Variants in LYRM4 observed in about 807,000 individuals in gnomAD.
LYRM4 encodes LYR motif containing 4.
LYRM4 carries 9 observed loss-of-function variants against 11.7 expected under a neutral mutation model. That is an observed-to-expected ratio of 0.77 (90% CI 0.46 to 1.34). The LOEUF (loss-of-function observed/expected upper bound fraction) is 1.34, where lower values mean the gene tolerates loss of function less well. LYRM4 is among the 40% of genes most tolerant of loss of function. The probability of loss-of-function intolerance (pLI) is 0.00; values close to 1 mark genes in which losing one functional copy is unlikely to be tolerated. For synonymous variants in LYRM4, 42 were observed against 40.4 expected (o/e 1.04, Z -0.15); for missense variants, 133 against 112.5 (o/e 1.18, Z -0.82).
At position 5,119,911 on chromosome 6, in the gene LYRM4, T is replaced by C. The variant is rs184729096; in HGVS notation, c.208-10420A>G. On this transcript the variant is annotated intron_variant, in intron 2 of 2. Transcript: ENST00000330636. Reference sequence around the variant, plus strand: ...CATAGGAAAGGGAATGAAACTATTTTATTTTTTGAGAAAGAGTCTCGCTCT... The same window carrying C: ...CATAGGAAAGGGAATGAAACTATTTCATTTTTTGAGAAAGAGTCTCGCTCT... Among the ~76,000 whole-genome samples, 58 of 152,214 alleles carry C rather than the reference T, an allele frequency of 3.8e-4. No individual in the cohort carries two copies. The East Asian group carries it at 0.01, about 27-fold the overall frequency.
chr6:5,137,395 G>A (rs1449082427), intron 2 of LYRM4, among the ~76,000 whole-genome samples: 6 of 152,068 alleles, frequency 3.9e-5, no homozygotes, highest in Non-Finnish European at 8.8e-5. Flanking sequence ...TTCTTTTTAA[G>A]CCCCAACATA....
At chr6:5,254,833 C>T (rs771393945) in intron 1 of LYRM4, among the ~76,000 whole-genome samples, 13 of 152,172 alleles carry the variant, frequency 8.5e-5, no homozygotes, top group African/African-American at 1.4e-4. Flanking sequence ...TTTCACCTCT[C>T]GTGGGGTCCT....
At chr6:5,126,586 A>C (rs1250892654) in intron 2 of LYRM4, among the ~76,000 whole-genome samples, 1 of 152,244 alleles carries the variant, frequency 6.6e-6, no homozygotes, top group Non-Finnish European at 1.5e-5. Flanking sequence ...GCCCAAATAC[A>C]TATTAACTGA....
Position 5,260,707 on chromosome 6 carries a change from C to A in LYRM4, c.27G>T (p.Val9=), listed in dbSNP as rs1765030964. 6.5e-7 allele frequency: 1 copy of A among 1,533,636 alleles called. No homozygotes were observed. Among genetic ancestry groups the A allele is most frequent in the Non-Finnish European group, 8.8e-7 (1 of 1,137,250 alleles). The change falls in exon 1 of 3, where the codon GTG becomes GTT. Residue 9 remains valine (V), a synonymous_variant. Transcript: ENST00000330636. MAASSRAQ[V]LSLYRAMLRE... ...TCAGCATCGCCCGGTACAGAGATAA[C>A]ACTTGTGCGCGACTGGAGGCTGCCA...
At chr6:5,065,135 G>T in the LYRM4 span, among the ~76,000 whole-genome samples, 1 of 151,890 alleles carries the variant, frequency 6.6e-6, no homozygotes, top group Admixed American at 6.6e-5. Flanking sequence ...GCCTTTCCAG[G>T]CTTCTTTCAC....
chr6:5,107,838 CTA>C (rs940193129), downstream of LYRM4: 4 of 152,190 alleles, frequency 2.6e-5, no homozygotes, highest in East Asian at 7.7e-4. Flanking sequence ...AACCCCGTCT[CTA>C]TTAAAAATAC....
intron 2 of LYRM4, among the ~76,000 whole-genome samples, chr6:5,140,420 A>G (rs1757341585): frequency 6.6e-6 from 1 of 152,222 alleles, no homozygotes; most frequent in Non-Finnish European, 1.5e-5. Context: ...AGATTGAAAA[A>G]ATCTGTTTGG....
intron 2 of LYRM4, among the ~76,000 whole-genome samples, chr6:5,194,121 A>C (rs1187032930): frequency 6.6e-6 from 1 of 151,648 alleles, no homozygotes; most frequent in Non-Finnish European, 1.5e-5. Flanking sequence ...GACAGAGGAC[A>C]AACATGGAGA....
intron 2 of LYRM4, among the ~76,000 whole-genome samples, chr6:5,200,611 A>T (rs1033185344): frequency 6.6e-6 from 1 of 152,190 alleles, no homozygotes; most frequent in African/African-American, 2.4e-5. Flanking sequence ...CATCACAAAA[A>T]CCAAAGACAG....
chr6:5,161,894 C>T (rs1308811678), intron 2 of LYRM4, among the ~76,000 whole-genome samples: 4 of 152,138 alleles, frequency 2.6e-5, no homozygotes, highest in African/African-American at 9.7e-5. Context: ...TTATCTTCAG[C>T]GAGGTTCTCA....
chr6:5,242,234 G>T (rs952362198), intron 1 of LYRM4, among the ~76,000 whole-genome samples: 8 of 151,628 alleles, frequency 5.3e-5, no homozygotes, highest in Non-Finnish European at 1.0e-4. Context: ...CACCACGCCT[G>T]GCTAATTTTT....
chr6:5,146,452 C>T (rs1757728856), intron 2 of LYRM4, among the ~76,000 whole-genome samples: 1 of 152,130 alleles, frequency 6.6e-6, no homozygotes, highest in Non-Finnish European at 1.5e-5. Context: ...TTTGTGCAGT[C>T]CATAGAGCTG....
chr6:5,236,718 C>T (rs997149406), intron 1 of LYRM4, among the ~76,000 whole-genome samples: 1 of 150,128 alleles, frequency 6.7e-6, no homozygotes, highest in Non-Finnish European at 1.5e-5. Context: ...GAGGCCAAGG[C>T]GGGAGGATTG....
At chr6:5,185,036 A>G (rs1391174468) in intron 2 of LYRM4, among the ~76,000 whole-genome samples, 1 of 152,108 alleles carries the variant, frequency 6.6e-6, no homozygotes, top group Non-Finnish European at 1.5e-5. Flanking sequence ...TCATTGACGC[A>G]CTGAAGTCCC....
At chr6:5,170,744 G>A (rs1759381651) in intron 2 of LYRM4, among the ~76,000 whole-genome samples, 1 of 152,118 alleles carries the variant, frequency 6.6e-6, no homozygotes, top group Non-Finnish European at 1.5e-5. Context: ...CTCCCCAATT[G>A]GGGATGTATA....
At chr6:5,228,891 C>A (rs1022017663) in intron 1 of LYRM4, among the ~76,000 whole-genome samples, 3 of 149,736 alleles carry the variant, frequency 2.0e-5, no homozygotes, top group African/African-American at 7.4e-5. Flanking sequence ...GTAGTCCCAG[C>A]TACTCGGGAG....
At chr6:5,239,937 CAGAG>C (rs1486383980) in intron 1 of LYRM4, among the ~76,000 whole-genome samples, 1 of 152,174 alleles carries the variant, frequency 6.6e-6, no homozygotes. Context: ...CATGAGAGGA[CAGAG>C]AGAGAAGGGA....
At chr6:5,058,064 T>C in the LYRM4 span, among the ~76,000 whole-genome samples, 1 of 152,160 alleles carries the variant, frequency 6.6e-6, no homozygotes, top group Admixed American at 6.5e-5. Context: ...TATTCAGTTA[T>C]TTATATGGCC....
intron 1 of LYRM4, among the ~76,000 whole-genome samples, chr6:5,239,943 G>A (rs35324863): frequency 0.034 from 5,118 of 152,304 alleles, 302 homozygotes; most frequent in African/African-American, 0.11. Context: ...AGGACAGAGA[G>A]AGAAGGGAAG....
Sources: gnomAD v4.1 joint callset for allele counts (sites outside exome capture counted in the v4.1 genomes callset) on GRCh38, gnomAD v4.1.1 for gene constraint, MANE v1.5 for transcripts, NCBI Gene and HGNC (gene_info 2026-07-23, HGNC 2026-07-21) for gene names.